ITPK1: variants seen among roughly 807,000 people sequenced by gnomAD.
ITPK1 encodes the protein inositol 1,3,4-trisphosphate 5/6-kinase.
In ITPK1, 21 loss-of-function variants were observed where a neutral mutation model predicts 45.3. The ratio of observed to expected loss-of-function variants is 0.46; its 90% confidence interval spans 0.33 to 0.67. ITPK1 has a LOEUF of 0.67. Ranked by LOEUF, ITPK1 falls within the 30% of genes least tolerant of loss-of-function variation. The pLI, the probability that ITPK1 is intolerant of heterozygous loss-of-function variation, is 0.02. For missense variants in ITPK1, 474 were observed against 573.5 expected (o/e 0.83, Z 1.77); for synonymous variants, 258 against 253.6 (o/e 1.02, Z -0.16).
chr14:93,024,064 A>C (rs576741172), intron 3 of ITPK1, among the ~76,000 whole-genome samples: 40 of 152,190 alleles, frequency 2.6e-4, no homozygotes, highest in African/African-American at 9.6e-4. Flanking sequence ...AAAAAAAGGG[A>C]GCATAAAAGG....
rs1887229993 is a variant in ITPK1 at position 92,938,993 on chromosome 14, G to A, written c.*2568C>T. The A allele has an allele frequency of 5.6e-6, 1 of 179,760 alleles. No homozygotes were observed. Among genetic ancestry groups the A allele is most frequent in the African/African-American group, 2.4e-5 (1 of 42,130 alleles). The allele number at this position is 179,760 out of a possible 1,614,324, so 11.1% of individuals were successfully genotyped here. ...CAGCACATCCAGGGACCACCATCAA[G>A]ACAGGCACTGCAGGGCGCAGAGCCA... On this transcript the variant is annotated 3_prime_UTR_variant, in exon 11 of 11. Coordinates refer to ENST00000267615, the MANE Select transcript of ITPK1 (RefSeq NM_014216.6).
rs1057387003 is a variant in ITPK1, at chr14:93,012,777, A to T, written c.246+3899T>A. Among the ~76,000 whole-genome samples, 16 of 152,342 alleles carry T rather than the reference A, an allele frequency of 1.1e-4. No individual in the cohort carries two copies. The highest frequency in any genetic ancestry group is 1.9e-4 in the Non-Finnish European group (13 of 68,026). ...CTTCCAGCTGATAAAGACAGGGCAAAGGCAGCAGTTGAGACTGAAACTTCC... is the reference window on the plus strand; with the variant it reads ...CTTCCAGCTGATAAAGACAGGGCAATGGCAGCAGTTGAGACTGAAACTTCC... On this transcript the variant is annotated intron_variant, in intron 4 of 10. Coordinates refer to ENST00000267615, the MANE Select transcript of ITPK1 (RefSeq NM_014216.6). The surrounding 1 kb of genome is among the most constrained non-coding windows in gnomAD (Gnocchi z 4.9).
At chr14:93,064,668 A>C (rs1398485965) in intron 3 of ITPK1, among the ~76,000 whole-genome samples, 1 of 152,226 alleles carries the variant, frequency 6.6e-6, no homozygotes, top group Non-Finnish European at 1.5e-5. Context: ...GCCATTGCAT[A>C]AAGCTCAAAA....
At chr14:93,055,008 G>C (rs957710765) in intron 3 of ITPK1, among the ~76,000 whole-genome samples, 1 of 152,138 alleles carries the variant, frequency 6.6e-6, no homozygotes. Flanking sequence ...CCGCCAGCCT[G>C]CCTCCTGTCC....
At chr14:92,942,278 T>A (rs1344086383) in intron 10 of ITPK1, among the ~76,000 whole-genome samples, 1 of 152,000 alleles carries the variant, frequency 6.6e-6, no homozygotes, top group Admixed American at 6.6e-5. Flanking sequence ...TGGCTGGAGG[T>A]AGCAGCACCA....
At chr14:93,084,186 C>T (rs933026893) in intron 2 of ITPK1, among the ~76,000 whole-genome samples, 1 of 152,232 alleles carries the variant, frequency 6.6e-6, no homozygotes, top group East Asian at 1.9e-4. Context: ...CCAGACCCGC[C>T]ACCTGGAAAC....
intron 9 of ITPK1, among the ~76,000 whole-genome samples, chr14:92,948,787 C>T (rs190279322): frequency 6.4e-4 from 90 of 139,934 alleles, no homozygotes; most frequent in African/African-American, 2.3e-3. Context: ...CAGGGACCCA[C>T]GCCCGGGCGC....
intron 2 of ITPK1, among the ~76,000 whole-genome samples, chr14:93,091,342 C>G (rs574798476): frequency 1.3e-5 from 2 of 152,348 alleles, no homozygotes; most frequent in Admixed American, 1.3e-4. Flanking sequence ...ACAGCTCCCA[C>G]AGAAGCACTT....
At chr14:93,022,120 G>C (rs768447687) in intron 3 of ITPK1, among the ~76,000 whole-genome samples, 2 of 152,150 alleles carry the variant, frequency 1.3e-5, no homozygotes, top group Non-Finnish European at 2.9e-5. Flanking sequence ...CTTAAGAATA[G>C]GACTGACCCT....
chr14:93,106,675 C>A (rs1892538880), intron 2 of ITPK1, among the ~76,000 whole-genome samples: 1 of 152,214 alleles, frequency 6.6e-6, no homozygotes. Context: ...TCACACCTTG[C>A]AGCATTTCCA....
intron 7 of ITPK1, among the ~76,000 whole-genome samples, chr14:92,960,666 C>T (rs11850686): frequency 0.02 from 2,987 of 152,314 alleles, 97 homozygotes; most frequent in African/African-American, 0.069. Context: ...TTAATAACTA[C>T]GCTCGTGCTT....
chr14:93,061,868 T>C (rs958275102), intron 3 of ITPK1, among the ~76,000 whole-genome samples: 1 of 152,188 alleles, frequency 6.6e-6, no homozygotes, highest in African/African-American at 2.4e-5. Context: ...TCAGATAATA[T>C]TATGCAGTCA....
rs868445861 is a variant in ITPK1 at position 93,016,942 on chromosome 14, G to C, written c.121-141C>G. The C allele has an allele frequency of 1.8e-6, 2 of 1,094,166 alleles. No homozygotes were observed. The highest frequency in any genetic ancestry group is 5.1e-5 in the Admixed American group (2 of 39,216). The allele number at this position is 1,094,166 out of a possible 1,614,324, so 67.8% of individuals were successfully genotyped here. ...ACTCTGGAGATGGGGCAGGAGGAGG[G>C]CTGACATGGAAAATACAGACAGGAC... On this transcript the variant is annotated intron_variant, in intron 3 of 10. Transcript: ENST00000267615. This position sits in a 1 kb window ranked among gnomAD's most constrained non-coding sequence, Gnocchi z 5.0.
chr14:93,013,889 C>T (rs533229955), intron 4 of ITPK1, among the ~76,000 whole-genome samples: 164 of 152,268 alleles, frequency 1.1e-3, no homozygotes, highest in African/African-American at 3.5e-3. Context: ...GGGAAGGGGA[C>T]GATCAATGCT....
chr14:93,060,645 G>A (rs769623373), intron 3 of ITPK1, among the ~76,000 whole-genome samples: 4 of 152,180 alleles, frequency 2.6e-5, no homozygotes, highest in African/African-American at 4.8e-5. Context: ...GGAAGGCCAC[G>A]GGAGGTTTTT....
In ITPK1 at chr14:93,036,072, G is replaced by T. The variant is rs1322866828; in HGVS notation, c.121-19271C>A. ...GGGAGGAGCACTCGCCAAGCCCAAGGCCACCCTTTCCAAGAAAGGGCTACG... is the reference window on the plus strand; with the variant it reads ...GGGAGGAGCACTCGCCAAGCCCAAGTCCACCCTTTCCAAGAAAGGGCTACG... On this transcript the variant is annotated intron_variant, in intron 3 of 10. Transcript: ENST00000267615. This position sits in a 1 kb window ranked among gnomAD's most constrained non-coding sequence, Gnocchi z 4.1. 6.6e-6 allele frequency among the ~76,000 whole-genome samples: 1 copy of T among 152,196 alleles called. No homozygotes were observed. Among genetic ancestry groups the T allele is most frequent in the Non-Finnish European group, 1.5e-5 (1 of 68,030 alleles).
chr14:93,095,574 GTT>G lies in ITPK1; in HGVS notation c.96-18957_96-18956del, dbSNP rs34003729. 9.2e-3 allele frequency among the ~76,000 whole-genome samples: 1,269 copies of G among 137,266 alleles called. 22 individuals are homozygous for G. Among genetic ancestry groups the G allele is most frequent in the African/African-American group, 0.024 (836 of 34,434 alleles). 90.1% of individuals were successfully genotyped at this position (137,266 alleles called of 152,430 possible). The stretch of plus-strand genomic sequence containing the variant: ...AGGGTCACCTAGAGTCACGGACTAG[GTT>G]TTTTTTTTTTTTTTTTAATAAATTC... On this transcript the variant is annotated intron_variant, in intron 2 of 10. Coordinates refer to ENST00000267615, the MANE Select transcript of ITPK1 (RefSeq NM_014216.6).
chr14:93,096,893 ACGTCAC>A (rs1391803478), intron 2 of ITPK1, among the ~76,000 whole-genome samples: 1 of 152,192 alleles, frequency 6.6e-6, no homozygotes, highest in Admixed American at 6.5e-5. Context: ...CAGGACACTG[ACGTCAC>A]CGAGTCCCTT....
intron 3 of ITPK1, among the ~76,000 whole-genome samples, chr14:93,017,289 C>T (rs941025771): frequency 2.6e-5 from 4 of 152,212 alleles, no homozygotes; most frequent in African/African-American, 9.7e-5. Context: ...CTATAAAAAG[C>T]CTTAGCAAAG....
Sources: allele counts gnomAD v4.1 joint callset (sites outside exome capture counted in the v4.1 genomes callset), GRCh38; gene constraint gnomAD v4.1.1; non-coding constraint Gnocchi (gnomAD v3.1); transcripts MANE v1.5; gene names NCBI Gene and HGNC (gene_info 2026-07-23, HGNC 2026-07-21).